COL2A1: variants seen among roughly 807,000 people sequenced by gnomAD.
COL2A1 encodes the protein collagen type II alpha 1 chain.
Under a neutral mutation model 204.5 loss-of-function variants are expected in COL2A1, and 28 were observed. That is an observed-to-expected ratio of 0.14 (90% CI 0.10 to 0.19). The LOEUF (loss-of-function observed/expected upper bound fraction) is 0.19, where lower values mean the gene tolerates loss of function less well. Ranked by LOEUF, COL2A1 falls within the 10% of genes least tolerant of loss-of-function variation. The pLI, the probability that COL2A1 is intolerant of heterozygous loss-of-function variation, is 1.00. For synonymous variants in COL2A1, 708 were observed against 718.7 expected (o/e 0.99, Z 0.24); for missense variants, 1,388 against 2,027.5 (o/e 0.68, Z 6.06).
At chr12:47,984,018 G>C (rs1038648623) in intron 29 of COL2A1, 69 bp downstream of exon 29, 11 of 1,374,226 alleles carry the variant, frequency 8.0e-6, no homozygotes, top group African/African-American at 2.9e-5. Flanking sequence ...TAATGGATGG[G>C]CTCTCCCACC....
intron 18 of COL2A1, chr12:47,988,303 TC>T (rs1177445909): frequency 6.4e-6 from 1 of 156,218 alleles, no homozygotes; most frequent in African/African-American, 2.4e-5. Flanking sequence ...ACAGCCCAAT[TC>T]CCCTTAGCGG....
chr12:47,973,560 GA>G lies in COL2A1; in HGVS notation c.4318-8del. The G allele has an allele frequency of 6.2e-7, 1 of 1,614,036 alleles. No homozygotes were observed. Among genetic ancestry groups the G allele is most frequent in the East Asian group, 2.2e-5 (1 of 44,880 alleles). On this transcript the variant is annotated splice_polypyrimidine_tract_variant and splice_region_variant and intron_variant, in intron 53 of 53. Transcript: ENST00000380518. ...CCCACTTACCGGTATGTTTCTAGGG[GA>G]GAAAAAAGGAGGAGGCTCTGTTCAG...
chr12:47,996,505 C>T, intron 8 of COL2A1, 43 bp downstream of exon 8: 1 of 1,543,698 alleles, frequency 6.5e-7, no homozygotes, highest in Non-Finnish European at 9.0e-7. Flanking sequence ...CTAAGGGCCA[C>T]CTCCTGCCAT....
intron 52 of COL2A1, 34 bp from the exon 53 acceptor site, chr12:47,974,365 G>A: frequency 6.2e-7 from 1 of 1,611,728 alleles, no homozygotes; most frequent in Non-Finnish European, 8.5e-7. Context: ...GTGAGGCCTG[G>A]GAGCTGGCAT....
upstream of COL2A1, chr12:48,005,847 C>T (rs1940450038): frequency 6.6e-6 from 1 of 152,252 alleles, no homozygotes; most frequent in African/African-American, 2.4e-5. Flanking sequence ...TTGAAAGAAG[C>T]TACTTCTGGG....
chr12:47,979,394 G>T, intron 41 of COL2A1, 117 bp downstream of exon 41: 1 of 1,049,584 alleles, frequency 9.5e-7, no homozygotes, highest in Non-Finnish European at 1.5e-6. Flanking sequence ...CTCCTCCAGG[G>T]GGCAGGAACG....
rs770647320 is a variant in COL2A1, at chr12:47,982,094, C to G, written c.2355+13G>C. ...CCTAATGCCCAGCAGTCCAGCAGCC[C>G]GCATTCACTTACTCGTCCACCATCC... On this transcript the variant is annotated intron_variant, in intron 35 of 53. Coordinates refer to ENST00000380518, the MANE Select transcript of COL2A1 (RefSeq NM_001844.5). 2 of 1,613,084 alleles carry G rather than the reference C, an allele frequency of 1.2e-6. No homozygotes were observed. The highest frequency in any genetic ancestry group is 1.7e-6 in the Non-Finnish European group (2 of 1,179,038).
chr12:47,976,469 A>G lies in COL2A1; in HGVS notation c.3489+45T>C, dbSNP rs771941589. On this transcript the variant is annotated intron_variant, in intron 49 of 53. Coordinates refer to ENST00000380518, the MANE Select transcript of COL2A1 (RefSeq NM_001844.5). This position sits in a 1 kb window ranked among gnomAD's most constrained non-coding sequence, Gnocchi z 4.3. ...CCTCCCCATGGGAACACAGGCCCAC[A>G]CTCTCTGAAGGGCCCCCTCCATCTT... is the stretch of plus-strand genomic sequence containing the variant. The G allele has an allele frequency of 1.3e-6, 2 of 1,596,820 alleles. No individual in the cohort carries two copies. The highest frequency in any genetic ancestry group is 1.7e-6 in the Non-Finnish European group (2 of 1,164,660).
rs1940383047 is a variant in COL2A1, at chr12:48,004,430, GAGC to G, written c.-112_-110del. The G allele has an allele frequency of 1.1e-5, 7 of 628,704 alleles. No homozygotes were observed. The East Asian group carries it at 2.0e-4, about 18-fold the overall frequency. 38.9% of individuals were successfully genotyped at this position (628,704 alleles called of 1,614,324 possible). ...CGCGCCCTCATGCAGGAGGCCCTTG[GAGC>G]AGGAGGGGGAAGCGGGAGACCCGGC... On this transcript the variant is annotated 5_prime_UTR_variant, in exon 1 of 54. Coordinates refer to ENST00000380518, the MANE Select transcript of COL2A1 (RefSeq NM_001844.5).
intron 8 of COL2A1, 75 bp from the exon 9 acceptor site, chr12:47,995,994 G>C (rs1939942794): frequency 8.2e-7 from 1 of 1,220,042 alleles, no homozygotes; most frequent in African/African-American, 1.5e-5. Context: ...TCTTCTCCCA[G>C]CCAACAGCCC....
chr12:47,990,340 C>T (rs1020078052), intron 16 of COL2A1, among the ~76,000 whole-genome samples: 1 of 152,208 alleles, frequency 6.6e-6, no homozygotes, highest in African/African-American at 2.4e-5. Context: ...AAATCATTTT[C>T]TCTTTTCTTC....
At chr12:48,004,593 C>T (rs904220592), upstream of COL2A1, 4 of 341,132 alleles carry the variant, frequency 1.2e-5, no homozygotes, top group Admixed American at 5.1e-5. Flanking sequence ...GAACCGCCCG[C>T]CCCCGGAGCC....
rs1382565337 is a variant in COL2A1, at chr12:47,980,742, G to A, written c.2518-81C>T. On this transcript the variant is annotated intron_variant, in intron 38 of 53. Transcript: ENST00000380518. The surrounding 1 kb of genome is among the most constrained non-coding windows in gnomAD (Gnocchi z 4.5). The stretch of plus-strand genomic sequence containing the variant: ...CTTCCAGAAGAGCAGGAGACTCTGT[G>A]AGTATCTGCGTGTGTGTCCTGGTCT... 5 of 1,443,340 alleles carry A rather than the reference G, an allele frequency of 3.5e-6. No individual in the cohort carries two copies. In the African/African-American group the frequency reaches 5.6e-5, roughly 16 times the overall value. The allele number at this position is 1,443,340 out of a possible 1,614,324, so 89.4% of individuals were successfully genotyped here.
At chr12:47,981,627 A>G in intron 36 of COL2A1, 149 bp downstream of exon 36, 1 of 1,046,730 alleles carries the variant, frequency 9.6e-7, no homozygotes, top group Non-Finnish European at 1.5e-6. Flanking sequence ...CAGCGGCTTC[A>G]CTTCTGAGAG....
chr12:47,977,073 G>T (rs781130640), intron 47 of COL2A1, 29 bp downstream of exon 47: 1 of 1,595,302 alleles, frequency 6.3e-7, no homozygotes, highest in South Asian at 1.1e-5. Flanking sequence ...CCCTGGTGGG[G>T]ACTCAGTGCA....
intron 15 of COL2A1, 59 bp downstream of exon 15, chr12:47,993,399 A>G: frequency 7.8e-7 from 1 of 1,279,778 alleles, no homozygotes; most frequent in Non-Finnish European, 1.1e-6. Flanking sequence ...AGCTCTTTGC[A>G]GCCATCTGAT....
At chr12:47,994,508 C>T (rs1939856559) in intron 11 of COL2A1, 31 bp from the exon 12 acceptor site, 1 of 1,612,508 alleles carries the variant, frequency 6.2e-7, no homozygotes, top group Non-Finnish European at 8.5e-7. Flanking sequence ...ATCCCAGCTT[C>T]CTCAGAGACG....
In COL2A1 at chr12:47,978,673, C is replaced by T. The variant is rs533540496; in HGVS notation, c.2819G>A (p.Arg940Gln). 1.0e-4 allele frequency: 167 copies of T among 1,613,326 alleles called. 1 individual carries two copies. In the Admixed American group the frequency reaches 2.0e-3, roughly 19 times the overall value. ...GARGDSGPPG[R>Q]AGEPGLQGPA... ...ACCTTGGAGGCCGGGTTCACCAGCT[C>T]GGCCAGGGGGGCCGCTGTCTCCTCG... Residue 940 changes from arginine (R) to glutamine (Q), a missense_variant, in exon 42 of 54, where the codon CGA (arginine) becomes CAA (glutamine). By Grantham distance (43) the Arg-to-Gln change is conservative. Transcript: ENST00000380518. The surrounding 1 kb of genome is among the most constrained non-coding windows in gnomAD (Gnocchi z 5.5).
chr12:47,989,647 A>C, intron 17 of COL2A1, 114 bp downstream of exon 17: 1 of 881,076 alleles, frequency 1.1e-6, no homozygotes, highest in Admixed American at 1.7e-5. Flanking sequence ...CCTTTCCAGT[A>C]GACATCAGAG....
Sources: gnomAD v4.1 joint callset for allele counts (sites outside exome capture counted in the v4.1 genomes callset) on GRCh38, gnomAD v4.1.1 for gene constraint, Gnocchi (gnomAD v3.1) non-coding constraint, MANE v1.5 for transcripts, NCBI Gene and HGNC (gene_info 2026-07-23, HGNC 2026-07-21) for gene names.